CDC45: variants seen among roughly 807,000 people sequenced by gnomAD.
The protein encoded by CDC45 is cell division control protein 45 homolog.
Under a neutral mutation model 77.8 loss-of-function variants are expected in CDC45, and 54 were observed. The observed-to-expected ratio is 0.69, with a 90% CI of 0.56 to 0.87. The LOEUF (loss-of-function observed/expected upper bound fraction) is 0.87, where lower values mean the gene tolerates loss of function less well. CDC45 is among the 40% of genes least tolerant of loss of function. CDC45 has a pLI of 0.00. For missense variants in CDC45, 649 were observed against 721.6 expected, an observed-to-expected ratio of 0.90 and a Z score of 1.15; for synonymous variants, 260 against 272.1, an observed-to-expected ratio of 0.96 and a Z score of 0.44.
At chr22:19,512,042 C>G (rs1933545305) in intron 13 of CDC45, among the ~76,000 whole-genome samples, 1 of 151,762 alleles carries the variant, frequency 6.6e-6, no homozygotes, top group Admixed American at 6.6e-5. Context: ...GCATGTGCCA[C>G]TGCACCTGGC....
In CDC45 at chr22:19,516,511, C is replaced by T; in HGVS notation, c.1441-16C>T. ...GCCCACCATACCCTGACGGAGGGTG[C>T]TCTCCGACTCCATAGACAAAGAACC... On this transcript the variant is annotated splice_polypyrimidine_tract_variant and intron_variant, in intron 15 of 18. Transcript: ENST00000263201. The T allele has an allele frequency of 6.2e-7, 1 of 1,604,912 alleles. No homozygotes were observed. The highest frequency in any genetic ancestry group is 1.1e-5 in the South Asian group (1 of 90,866).
intron 9 of CDC45, among the ~76,000 whole-genome samples, chr22:19,501,657 A>G (rs567989101): frequency 3.9e-4 from 59 of 152,346 alleles, no homozygotes; most frequent in South Asian, 2.1e-3. Context: ...AAGTTTGCCT[A>G]GATTACTTAT....
chr22:19,508,934 T>C (rs1933365282), intron 13 of CDC45, among the ~76,000 whole-genome samples: 1 of 152,214 alleles, frequency 6.6e-6, no homozygotes, highest in African/African-American at 2.4e-5. Context: ...TTTAAAATTT[T>C]CTCTTTTTTT....
rs751400178 is a variant in CDC45, at chr22:19,520,223, T to C, written c.*2-258T>C. Among the ~76,000 whole-genome samples the C allele has an allele frequency of 7.2e-5, 11 of 152,052 alleles. No individual in the cohort carries two copies. Among genetic ancestry groups the C allele is most frequent in the Non-Finnish European group, 1.6e-4 (11 of 67,968 alleles). On this transcript the variant is annotated intron_variant, in intron 18 of 18. Coordinates refer to ENST00000263201, the MANE Select transcript of CDC45 (RefSeq NM_003504.5). The surrounding 1 kb of genome is among the most constrained non-coding windows in gnomAD (Gnocchi z 4.5). ...CCCCCATGGGAGGGTGCCAGGGGGC[T>C]GGCTGAGCAGCTGGGCGGGGTCCGT...
intron 5 of CDC45, among the ~76,000 whole-genome samples, chr22:19,493,871 T>G (rs2090195657): frequency 6.6e-6 from 1 of 152,252 alleles, no homozygotes; most frequent in African/African-American, 2.4e-5. Flanking sequence ...TACCACATTA[T>G]TCCAGGCCTT....
intron 5 of CDC45, among the ~76,000 whole-genome samples, chr22:19,493,794 A>G (rs979754092): frequency 6.6e-6 from 1 of 152,180 alleles, no homozygotes; most frequent in Non-Finnish European, 1.5e-5. Context: ...TAATGAATGT[A>G]TGGGGAAAAA....
intron 5 of CDC45, among the ~76,000 whole-genome samples, chr22:19,489,169 C>G (rs2090118068): frequency 6.6e-6 from 1 of 152,176 alleles, no homozygotes; most frequent in Non-Finnish European, 1.5e-5. Flanking sequence ...GAGACTATCT[C>G]TAAAGAAAAG....
At chr22:19,496,085 C>T (rs1462967597) in intron 7 of CDC45, 56 bp downstream of exon 7, 1 of 1,173,150 alleles carries the variant, frequency 8.5e-7, no homozygotes, top group East Asian at 2.4e-5. Context: ...GGTCAGTGTC[C>T]TCAAATGTGA....
rs547874152 is a variant in CDC45 at position 19,498,421 on chromosome 22, C to T, written c.654-680C>T. ...GGAAGAACCATCCCTCCTCTGAGTC[C>T]GCTGTGCGGGCTGCACCTGGCATGA... On this transcript the variant is annotated intron_variant, in intron 8 of 18. Transcript: ENST00000263201. Among the ~76,000 whole-genome samples, 10 of 152,356 alleles carry T rather than the reference C, an allele frequency of 6.6e-5. No individual in the cohort carries two copies. In the South Asian group the frequency reaches 1.2e-3, roughly 19 times the overall value.
At chr22:19,498,067 A>C (rs939202590) in intron 8 of CDC45, among the ~76,000 whole-genome samples, 13 of 152,140 alleles carry the variant, frequency 8.5e-5, no homozygotes, top group African/African-American at 3.1e-4. Flanking sequence ...TTAGCTACTC[A>C]GGAGGCTGAG....
chr22:19,485,155 A>G (rs1314482712), intron 5 of CDC45, among the ~76,000 whole-genome samples: 1 of 152,062 alleles, frequency 6.6e-6, no homozygotes, highest in Non-Finnish European at 1.5e-5. Context: ...TTAACTATCG[A>G]TGAGCTGCAT....
At chr22:19,491,534 C>G (rs5993653) in intron 5 of CDC45, among the ~76,000 whole-genome samples, 2,758 of 152,156 alleles carry the variant, frequency 0.018, 96 homozygotes, top group African/African-American at 0.062. Flanking sequence ...GCCACTTACT[C>G]TGGCTGCCGT....
Position 19,483,983 on chromosome 22 carries a change from A to G in CDC45, c.464A>G (p.Glu155Gly), listed in dbSNP as rs9606030. 2,480 of 1,609,416 alleles carry G rather than the reference A, an allele frequency of 1.5e-3. 3 individuals are homozygous for G. Among genetic ancestry groups the G allele is most frequent in the Non-Finnish European group, 1.5e-3 (1,810 of 1,179,052 alleles). The part of the protein sequence containing the change: ...GNDSDGSEPS[E>G]KRTRLEEEIV... ...GACAGTGATGGGTCAGAGCCTTCTGAGAAGCGCACACGGTTAGAAGAGGTG... is the reference window on the plus strand; with the variant it reads ...GACAGTGATGGGTCAGAGCCTTCTGGGAAGCGCACACGGTTAGAAGAGGTG... The change falls in exon 5 of 19, where the codon GAG becomes GGG. Residue 155 changes from glutamate to glycine, a missense_variant. Transcript: ENST00000263201.
intron 5 of CDC45, among the ~76,000 whole-genome samples, chr22:19,487,279 A>AGGACCTC (rs2090083646): frequency 1.3e-5 from 2 of 149,718 alleles, no homozygotes; most frequent in African/African-American, 4.9e-5. Context: ...GCGACAGAGC[A>AGGACCTC]ATACTCTTGT....
chr22:19,495,124 T>G (rs1164103582), intron 6 of CDC45, among the ~76,000 whole-genome samples: 2 of 152,356 alleles, frequency 1.3e-5, no homozygotes, highest in African/African-American at 2.4e-5. Context: ...AAATAATCCA[T>G]AATCACACTG....
chr22:19,495,654 T>C (rs2090228504), intron 6 of CDC45, among the ~76,000 whole-genome samples: 1 of 152,188 alleles, frequency 6.6e-6, no homozygotes, highest in Non-Finnish European at 1.5e-5. Context: ...TTTGTCTCTA[T>C]TAAAAAATTT....
Position 19,508,638 on chromosome 22 carries a change from G to A in CDC45, c.1164G>A (p.Glu388=). The change falls in exon 13 of 19, where the codon GAG becomes GAA. Residue 388 remains glutamate (E), a synonymous_variant. Coordinates refer to ENST00000263201, the MANE Select transcript of CDC45 (RefSeq NM_003504.5). The part of the protein sequence containing the change: ...FATMSLMESP[E]KDGSGTDHFI... ...CCATGTCTTTGATGGAGAGCCCCGA[G>A]AAGGATGGCTCAGGGACAGATCACT... 6.2e-7 allele frequency: 1 copy of A among 1,614,248 alleles called. No homozygotes were observed. Among genetic ancestry groups the A allele is most frequent in the Non-Finnish European group, 8.5e-7 (1 of 1,180,044 alleles).
At position 19,482,707 on chromosome 22, in the gene CDC45, C is replaced by A; in HGVS notation, c.222C>A (p.Leu74=). 6.2e-7 allele frequency: 1 copy of A among 1,613,112 alleles called. No individual in the cohort carries two copies. Among genetic ancestry groups the A allele is most frequent in the Non-Finnish European group, 8.5e-7 (1 of 1,179,104 alleles). ...TTTTTCAGTTTCATTATTTTATTCT[C>A]ATAAACTGTGGAGCTAATGTAGACC... is the stretch of plus-strand genomic sequence containing the variant. The part of the protein sequence containing the change: ...EHKEQFHYFI[L]INCGANVDLL... Residue 74 remains leucine (L), a synonymous_variant, in exon 4 of 19, where the codon CTC becomes CTA. Transcript: ENST00000263201.
At position 19,519,699 on chromosome 22, in the gene CDC45, C is replaced by G. The variant is rs148269889; in HGVS notation, c.*2-782C>G. Among the ~76,000 whole-genome samples, 494 of 152,360 alleles carry G rather than the reference C, an allele frequency of 3.2e-3. 1 individual carries two copies. Among genetic ancestry groups the G allele is most frequent in the Admixed American group, 7.0e-3 (107 of 15,306 alleles). On this transcript the variant is annotated intron_variant, in intron 18 of 18. Coordinates refer to ENST00000263201, the MANE Select transcript of CDC45 (RefSeq NM_003504.5). ...GGTCCTCCCCACTCTCCCATCCGTC[C>G]GTCCATCCATCCATCTGTCCATCCC...
Sources: gnomAD v4.1 joint callset for allele counts (sites outside exome capture counted in the v4.1 genomes callset) on GRCh38, gnomAD v4.1.1 for gene constraint, Gnocchi (gnomAD v3.1) non-coding constraint, MANE v1.5 for transcripts, NCBI Gene and HGNC (gene_info 2026-07-23, HGNC 2026-07-21) for gene names.